The following FIG4 variants were observed in gnomAD, a reference collection of about 807,000 sequenced individuals.
The protein encoded by FIG4 is polyphosphoinositide phosphatase.
In FIG4, 112 loss-of-function variants were observed where a neutral mutation model predicts 118.6. The ratio of observed to expected loss-of-function variants is 0.94; its 90% CI spans 0.81 to 1.11. FIG4 has a LOEUF of 1.11. Ranked by LOEUF, FIG4 falls within the 50% of genes least tolerant of loss-of-function variation. The probability of loss-of-function intolerance (pLI) is 0.00; values close to 1 mark genes in which losing one functional copy is unlikely to be tolerated. For missense variants in FIG4, 969 were observed against 1,111.7 expected (o/e 0.87, Z 1.83); for synonymous variants, 369 against 381.2 (o/e 0.97, Z 0.37).
At chr6:109,761,725 C>T (rs958625991) in intron 11 of FIG4, among the ~76,000 whole-genome samples, 1 of 152,164 alleles carries the variant, frequency 6.6e-6, no homozygotes, top group African/African-American at 2.4e-5. Context: ...TGCTCTGCCA[C>T]CTGCACTGTG....
intron 15 of FIG4, among the ~76,000 whole-genome samples, chr6:109,769,434 G>A (rs1777390515): frequency 6.6e-6 from 1 of 152,016 alleles, no homozygotes; most frequent in South Asian, 2.1e-4. Context: ...GGCTAAAACA[G>A]GCTTCTTTAT....
chr6:109,785,144 C>G (rs1407116967), intron 17 of FIG4, 116 bp downstream of exon 17: 1 of 733,670 alleles, frequency 1.4e-6, no homozygotes, highest in African/African-American at 1.7e-5. Flanking sequence ...AAATGAATGG[C>G]TGTTCAGTAT....
intron 17 of FIG4, 75 bp downstream of exon 17, chr6:109,785,103 A>G: frequency 1.2e-6 from 1 of 838,704 alleles, no homozygotes; most frequent in Non-Finnish European, 2.1e-6. Flanking sequence ...TGAAGCATTA[A>G]ATCCTTTGCA....
chr6:109,695,446 G>C (rs1214052549), intron 1 of FIG4, among the ~76,000 whole-genome samples: 1 of 152,182 alleles, frequency 6.6e-6, no homozygotes, highest in African/African-American at 2.4e-5. Context: ...TGTTGTGGTG[G>C]AGAAGGACTC....
At chr6:109,703,634 T>A (rs1487092245) in intron 1 of FIG4, among the ~76,000 whole-genome samples, 1 of 152,226 alleles carries the variant, frequency 6.6e-6, no homozygotes, top group Non-Finnish European at 1.5e-5. Context: ...CTCCTCCATC[T>A]TTATCCAGGA....
At chr6:109,821,552 A>T (rs1258085234) in intron 22 of FIG4, among the ~76,000 whole-genome samples, 1 of 152,224 alleles carries the variant, frequency 6.6e-6, no homozygotes, top group Non-Finnish European at 1.5e-5. Context: ...GAAAGACATT[A>T]AAAAGGACTG....
rs149897244 is a variant in FIG4, at chr6:109,703,522, T to G, written c.67-11556T>G. Reference sequence around the variant, plus strand: ...ATGGTTTTTATTTTTCTCCTTTATCTTCTTTGTTCCTCCTTTTGCTCTTGG... The same window carrying G: ...ATGGTTTTTATTTTTCTCCTTTATCGTCTTTGTTCCTCCTTTTGCTCTTGG... On this transcript the variant is annotated intron_variant, in intron 1 of 22. Coordinates refer to ENST00000230124, the MANE Select transcript of FIG4 (RefSeq NM_014845.6). 7.0e-4 allele frequency among the ~76,000 whole-genome samples: 106 copies of G among 152,352 alleles called. 1 individual carries two copies. The highest frequency in any genetic ancestry group is 2.5e-3 in the African/African-American group (102 of 41,590).
At chr6:109,714,536 C>A (rs900196606) in intron 1 of FIG4, among the ~76,000 whole-genome samples, 4 of 152,172 alleles carry the variant, frequency 2.6e-5, no homozygotes, top group African/African-American at 7.2e-5. Context: ...ATGATAATTT[C>A]TTGTAGCTTA....
At chr6:109,753,697 T>A (rs1776786201) in intron 10 of FIG4, among the ~76,000 whole-genome samples, 1 of 152,074 alleles carries the variant, frequency 6.6e-6, no homozygotes, top group Admixed American at 6.6e-5. Context: ...TTTATTCTCT[T>A]TGAAGCAATT....
At chr6:109,717,485 CTG>C (rs921217448) in intron 3 of FIG4, among the ~76,000 whole-genome samples, 14 of 152,200 alleles carry the variant, frequency 9.2e-5, no homozygotes, top group Middle Eastern at 6.8e-3. Context: ...CCTGATTGGT[CTG>C]TGGCAGAGGA....
intron 22 of FIG4, among the ~76,000 whole-genome samples, chr6:109,820,773 C>T (rs1778982980): frequency 6.6e-6 from 1 of 152,134 alleles, no homozygotes; most frequent in Non-Finnish European, 1.5e-5. Context: ...GTTAGCAAAA[C>T]CAGGCACCTA....
chr6:109,764,703 A>G (rs1264141132), intron 13 of FIG4, among the ~76,000 whole-genome samples: 1 of 152,194 alleles, frequency 6.6e-6, no homozygotes, highest in Non-Finnish European at 1.5e-5. Flanking sequence ...GCTAACTGGT[A>G]AATTAGCAAA....
intron 22 of FIG4, among the ~76,000 whole-genome samples, chr6:109,822,074 C>G (rs930611966): frequency 1.3e-4 from 20 of 152,230 alleles, no homozygotes; most frequent in Admixed American, 9.8e-4. Context: ...ATGAGAGCAT[C>G]TGTAGATTAA....
chr6:109,791,302 G>A, intron 19 of FIG4, 74 bp from the exon 20 acceptor site: 1 of 1,286,674 alleles, frequency 7.8e-7, no homozygotes, highest in Non-Finnish European at 1.1e-6. Flanking sequence ...CTAAGGCTTT[G>A]GGACAGAGTG....
Position 109,777,051 on chromosome 6 carries a change from CAAG to C in FIG4, c.1887_1889del (p.Arg629del). ...AAAAATACCATGAGACTTTTGCCAA[CAAG>C]AAGAAGGTATTTTTCTTCCTAGTCT... On this transcript the variant is annotated inframe_deletion, in exon 16 of 23. Transcript: ENST00000230124. The C allele has an allele frequency of 1.9e-6, 3 of 1,613,526 alleles. No homozygotes were observed. The highest frequency in any genetic ancestry group is 1.1e-5 in the South Asian group (1 of 91,072).
intron 22 of FIG4, 136 bp downstream of exon 22, chr6:109,796,987 C>T: frequency 1.5e-6 from 1 of 668,786 alleles, no homozygotes; most frequent in South Asian, 1.6e-5. Context: ...CCTTGTGGTA[C>T]CTTACTTGAG....
In FIG4 at chr6:109,824,365, G is replaced by T. The variant is rs1004809939; in HGVS notation, c.2547-723G>T. Among the ~76,000 whole-genome samples, 8 of 152,290 alleles carry T rather than the reference G, an allele frequency of 5.3e-5. No individual in the cohort carries two copies. The South Asian group carries it at 1.5e-3, about 28-fold the overall frequency. Reference sequence around the variant, plus strand: ...TTCTAATACATCCCCAGTGTGATTGGAGGCCATGTCCAATAGTTAGACACA... The same window carrying T: ...TTCTAATACATCCCCAGTGTGATTGTAGGCCATGTCCAATAGTTAGACACA... On this transcript the variant is annotated intron_variant, in intron 22 of 22. Transcript: ENST00000230124.
intron 3 of FIG4, among the ~76,000 whole-genome samples, chr6:109,720,580 G>C (rs1775576586): frequency 6.6e-6 from 1 of 152,112 alleles, no homozygotes; most frequent in African/African-American, 2.4e-5. Context: ...CACCACATGT[G>C]ACTTAAAACA....
intron 22 of FIG4, among the ~76,000 whole-genome samples, chr6:109,819,430 A>G (rs1322934489): frequency 6.6e-6 from 1 of 152,082 alleles, no homozygotes; most frequent in African/African-American, 2.4e-5. Flanking sequence ...AGCTTTTGGG[A>G]TTTCAGGATT....
Sources: gnomAD v4.1 joint callset for allele counts (sites outside exome capture counted in the v4.1 genomes callset) on GRCh38, gnomAD v4.1.1 for gene constraint, MANE v1.5 for transcripts, NCBI Gene and HGNC (gene_info 2026-07-23, HGNC 2026-07-21) for gene names.